The following CSMD1 variants were observed in gnomAD, a reference collection of about 807,000 sequenced individuals.
CSMD1 encodes the protein CUB and sushi domain-containing protein 1.
A neutral mutation model predicts 417.5 loss-of-function variants in CSMD1; 213 were observed. The observed-to-expected ratio is 0.51, with a 90% CI of 0.46 to 0.57. CSMD1 has a LOEUF of 0.57. CSMD1 is among the 20% of genes least tolerant of loss of function. The pLI is 0.00. For missense variants in CSMD1, 6,923 were observed against 4,529.7 expected, an observed-to-expected ratio of 1.53 and a Z score of -15.17; for synonymous variants, 2,862 against 1,736.8, an observed-to-expected ratio of 1.65 and a Z score of -16.11.
chr8:4,602,222 G>A (rs73502576), intron 2 of CSMD1, among the ~76,000 whole-genome samples: 3 of 152,020 alleles, frequency 2.0e-5, no homozygotes, highest in Non-Finnish European at 2.9e-5. Flanking sequence ...CTATGTCATT[G>A]AAAATTGATG....
intron 63 of CSMD1, among the ~76,000 whole-genome samples, chr8:2,956,171 G>A (rs989673686): frequency 1.3e-5 from 2 of 152,036 alleles, no homozygotes; most frequent in African/African-American, 4.8e-5. Flanking sequence ...ATAAATTATA[G>A]AGACTGGTGA....
rs576455705 is a variant in CSMD1, at chr8:3,386,895, C to A, written c.2782+599G>T. 6.6e-5 allele frequency among the ~76,000 whole-genome samples: 10 copies of A among 152,282 alleles called. 1 individual carries two copies. The South Asian group carries it at 1.9e-3, about 28-fold the overall frequency. ...ACCTAACTGTTATTATAACTACACA[C>A]AGCATAGTATAACGTTGAGCAATAC... On this transcript the variant is annotated intron_variant, in intron 18 of 69. Coordinates refer to ENST00000635120, the MANE Select transcript of CSMD1 (RefSeq NM_033225.6).
chr8:4,666,105 G>T (rs1215396228), intron 1 of CSMD1, among the ~76,000 whole-genome samples: 1 of 152,104 alleles, frequency 6.6e-6, no homozygotes, highest in Non-Finnish European at 1.5e-5. Flanking sequence ...TTTCTGTGGT[G>T]ACTGGGGGGC....
intron 3 of CSMD1, among the ~76,000 whole-genome samples, chr8:4,381,209 G>A (rs145302243): frequency 8.1e-4 from 124 of 152,264 alleles, no homozygotes; most frequent in South Asian, 2.3e-3. Context: ...TTTGCTGCAC[G>A]GATTTAAAAT....
chr8:3,136,909 T>C (rs1319377198), intron 41 of CSMD1, among the ~76,000 whole-genome samples: 2 of 148,910 alleles, frequency 1.3e-5, no homozygotes, highest in Admixed American at 6.7e-5. Flanking sequence ...TTAAAAATTT[T>C]TTTCTATGTA....
Position 4,637,454 on chromosome 8 carries a change from T to A in CSMD1, c.190A>T (p.Thr64Ser). The A allele has an allele frequency of 6.2e-7, 1 of 1,613,724 alleles. No homozygotes were observed. ...NYANCTWIII[T>S]GERNRIQLSF... is the part of the protein sequence containing the mutation. ...AACTGTATCCTATTGCGCTCGCCCG[T>A]GATGATGATCCAGGTGCAGTTGGCA... Residue 64 changes from threonine (T) to serine (S), a missense_variant, in exon 2 of 70, where the codon ACG becomes TCG. Physicochemically the swap from Thr to Ser is moderately conservative, Grantham distance 58. Transcript: ENST00000635120.
At chr8:4,824,827 T>A (rs1799729443) in intron 1 of CSMD1, among the ~76,000 whole-genome samples, 1 of 152,150 alleles carries the variant, frequency 6.6e-6, no homozygotes, top group African/African-American at 2.4e-5. Context: ...GTATATAGCC[T>A]ATATTTAAGA....
chr8:3,658,000 G>A (rs999243471), intron 7 of CSMD1, among the ~76,000 whole-genome samples: 1 of 152,094 alleles, frequency 6.6e-6, no homozygotes, highest in Non-Finnish European at 1.5e-5. Flanking sequence ...AGAGAAGTTT[G>A]GGATTTGGAG....
At chr8:3,233,179 TGAAATGTAATCAATATG>T in intron 26 of CSMD1, among the ~76,000 whole-genome samples, 1 of 152,288 alleles carries the variant, frequency 6.6e-6, no homozygotes, top group South Asian at 2.1e-4. Flanking sequence ...AAACTTACGT[TGAAATGTAATCAATATG>T]GTCATATTGG....
intron 3 of CSMD1, among the ~76,000 whole-genome samples, chr8:4,409,230 A>G (rs1399030600): frequency 6.6e-6 from 1 of 152,192 alleles, no homozygotes; most frequent in Non-Finnish European, 1.5e-5. Context: ...TGAAATTCGA[A>G]TGCATTTTTA....
At chr8:3,853,157 C>T (rs373949833) in intron 5 of CSMD1, among the ~76,000 whole-genome samples, 1 of 152,280 alleles carries the variant, frequency 6.6e-6, no homozygotes. Flanking sequence ...CCCTTGGCTT[C>T]AAGGACACTC....
At chr8:4,421,297 G>A (rs1279426971) in intron 2 of CSMD1, among the ~76,000 whole-genome samples, 1 of 152,154 alleles carries the variant, frequency 6.6e-6, no homozygotes, top group Non-Finnish European at 1.5e-5. Flanking sequence ...CTGAAGACCA[G>A]CAAGAATACA....
In CSMD1 at chr8:4,932,011, A is replaced by C. The variant is rs904368553; in HGVS notation, c.85+62321T>G. ...AAAACCACAATAATTTGAGAGATTC[A>C]CATAGCTACTAATAAATAAAATGCA... is the stretch of plus-strand genomic sequence containing the variant. On this transcript the variant is annotated intron_variant, in intron 1 of 69. Transcript: ENST00000635120. 5.9e-5 allele frequency among the ~76,000 whole-genome samples: 9 copies of C among 152,344 alleles called. No individual in the cohort carries two copies. The East Asian group carries it at 1.2e-3, about 20-fold the overall frequency.
intron 69 of CSMD1, among the ~76,000 whole-genome samples, chr8:2,940,484 C>T (rs1276377840): frequency 9.2e-5 from 14 of 152,102 alleles, no homozygotes; most frequent in Non-Finnish European, 4.4e-5. Flanking sequence ...GAGGAGGCAT[C>T]ACATTTACAT....
chr8:3,753,902 T>G, intron 6 of CSMD1, 28 bp downstream of exon 6: 1 of 1,494,222 alleles, frequency 6.7e-7, no homozygotes, highest in Non-Finnish European at 9.3e-7. Flanking sequence ...CTGTTTTTTT[T>G]TTTTCTTATA....
At chr8:4,603,033 G>T (rs1800679703) in intron 2 of CSMD1, among the ~76,000 whole-genome samples, 1 of 151,878 alleles carries the variant, frequency 6.6e-6, no homozygotes, top group South Asian at 2.1e-4. Flanking sequence ...TTCTCCAACT[G>T]AAATTCTAAA....
chr8:2,952,052 A>T (rs1217252827), intron 65 of CSMD1, among the ~76,000 whole-genome samples: 2 of 152,212 alleles, frequency 1.3e-5, no homozygotes, highest in African/African-American at 4.8e-5. Flanking sequence ...GAAAAAAATA[A>T]ACTTATTTTT....
At chr8:4,751,523 G>A (rs976912121) in intron 1 of CSMD1, among the ~76,000 whole-genome samples, 1 of 152,108 alleles carries the variant, frequency 6.6e-6, no homozygotes, top group African/African-American at 2.4e-5. Flanking sequence ...ACTTTCTAAA[G>A]TTATTTTATC....
At chr8:4,187,531 C>G (rs1467899116) in intron 3 of CSMD1, among the ~76,000 whole-genome samples, 1 of 152,042 alleles carries the variant, frequency 6.6e-6, no homozygotes, top group Non-Finnish European at 1.5e-5. Context: ...GTAATCCCAG[C>G]TACTTGGGAG....
Sources: allele counts gnomAD v4.1 joint callset (sites outside exome capture counted in the v4.1 genomes callset), GRCh38; gene constraint gnomAD v4.1.1; transcripts MANE v1.5; gene names NCBI Gene and HGNC (gene_info 2026-07-23, HGNC 2026-07-21).